ZNF713: variants seen among roughly 807,000 people sequenced by gnomAD.
The protein encoded by ZNF713 is zinc finger protein 713.
ZNF713 carries 21 observed loss-of-function variants against 28.7 expected under a neutral mutation model. That is an observed-to-expected ratio of 0.73 (90% CI 0.52 to 1.05). The LOEUF is 1.05. ZNF713 is among the 50% of genes least tolerant of loss of function. The probability of loss-of-function intolerance (pLI) is 0.00; values close to 1 mark genes in which losing one functional copy is unlikely to be tolerated. For missense variants in ZNF713, 458 were observed against 532.4 expected (o/e 0.86, Z 1.37); for synonymous variants, 167 against 178.0 (o/e 0.94, Z 0.49).
At chr7:55,903,785 G>A (rs138056247) in intron 1 of ZNF713, among the ~76,000 whole-genome samples, 1 of 152,200 alleles carries the variant, frequency 6.6e-6, no homozygotes, top group African/African-American at 2.4e-5. Context: ...TATCATGGGG[G>A]TGGATGGAGG....
intron 6 of ZNF713, among the ~76,000 whole-genome samples, chr7:55,935,730 G>A (rs1046211051): frequency 7.9e-5 from 12 of 152,128 alleles, no homozygotes; most frequent in African/African-American, 2.7e-4. Context: ...GAGGCAGGCG[G>A]ATCATGAGGT....
intron 1 of ZNF713, among the ~76,000 whole-genome samples, chr7:55,888,669 G>A (rs976558116): frequency 6.6e-6 from 1 of 151,904 alleles, no homozygotes. Context: ...CATGAGCCAC[G>A]GCGTTCGGCC....
chr7:55,938,151 C>T (rs1471203189), intron 6 of ZNF713, among the ~76,000 whole-genome samples: 1 of 151,924 alleles, frequency 6.6e-6, no homozygotes, highest in Non-Finnish European at 1.5e-5. Flanking sequence ...TTGCGGTGAG[C>T]CAAGATCACA....
At chr7:55,904,580 GCC>G (rs1344421824) in intron 1 of ZNF713, among the ~76,000 whole-genome samples, 2 of 149,896 alleles carry the variant, frequency 1.3e-5, no homozygotes, top group Non-Finnish European at 3.0e-5. Flanking sequence ...CAGAACAAAA[GCC>G]AGACTATAGA....
At chr7:55,912,796 C>A in intron 4 of ZNF713, 73 bp downstream of exon 4, 2 of 1,269,890 alleles carry the variant, frequency 1.6e-6, no homozygotes, top group South Asian at 1.3e-5. Flanking sequence ...TTTCATTTCT[C>A]AGAAGTGCTG....
chr7:55,929,609 G>A (rs369024934), intron 6 of ZNF713, among the ~76,000 whole-genome samples: 7 of 152,250 alleles, frequency 4.6e-5, no homozygotes, highest in African/African-American at 9.6e-5. Flanking sequence ...TCTGGAAGAG[G>A]CTGGGTGCAG....
rs1785873198 is a variant in ZNF713, at chr7:55,915,834, G to A, written c.87+3111G>A. Reference sequence around the variant, plus strand: ...CTGAGTGCAGTGGAAAGCCTTTGGGGGAATTTAAGCAGAAAGATAACATAA... The same window carrying A: ...CTGAGTGCAGTGGAAAGCCTTTGGGAGAATTTAAGCAGAAAGATAACATAA... On this transcript the variant is annotated intron_variant, in intron 4 of 6. Coordinates refer to ENST00000429591, the MANE Select transcript of ZNF713 (RefSeq NM_182633.3). 2.0e-5 allele frequency among the ~76,000 whole-genome samples: 3 copies of A among 152,092 alleles called. No homozygotes were observed. In the South Asian group the frequency reaches 6.2e-4, roughly 32 times the overall value.
intron 4 of ZNF713, among the ~76,000 whole-genome samples, chr7:55,913,844 GC>G (rs1176232522): frequency 3.0e-4 from 46 of 152,226 alleles, no homozygotes; most frequent in African/African-American, 1.1e-3. Flanking sequence ...GAGTGCAGGG[GC>G]TCATGCCTGT....
rs191677143 is a variant in ZNF713 at position 55,915,759 on chromosome 7, G to A, written c.87+3036G>A. Among the ~76,000 whole-genome samples, 175 of 152,294 alleles carry A rather than the reference G, an allele frequency of 1.1e-3. 2 individuals are homozygous for A. Among genetic ancestry groups the A allele is most frequent in the African/African-American group, 3.5e-3 (145 of 41,566 alleles). On this transcript the variant is annotated intron_variant, in intron 4 of 6. Coordinates refer to ENST00000429591, the MANE Select transcript of ZNF713 (RefSeq NM_182633.3). ...GAAGTGAGCTTGGAGAAGTGAGCAGGTCTTAAATACACAAAGCCTGTGGCC... is the reference window on the plus strand; with the variant it reads ...GAAGTGAGCTTGGAGAAGTGAGCAGATCTTAAATACACAAAGCCTGTGGCC...
chr7:55,887,868 CGGCGGCGGCGGCGGCGGCGGGCGG>C (rs1785300566), intron 1 of ZNF713, among the ~76,000 whole-genome samples, 188 bp downstream of exon 1: 1 of 7,608 alleles, frequency 1.3e-4, no homozygotes, highest in Non-Finnish European at 2.3e-4. Flanking sequence ...CGGCGGGCGG[CGGCGGCGGCGGCGGCGGCGGGCGG>C]CGGCGGCGGC....
intron 6 of ZNF713, among the ~76,000 whole-genome samples, chr7:55,934,851 G>GTGTAGTGTGCAAACCCTA (rs1283308910): frequency 1.3e-5 from 2 of 150,558 alleles, no homozygotes; most frequent in Non-Finnish European, 3.0e-5. Context: ...TTATCAAAAT[G>GTGTAGTGTGCAAACCCTA]TGTAGTGTGC....
rs75544391 is a variant in ZNF713 at position 55,934,431 on chromosome 7, A to C, written c.308-4551A>C. On this transcript the variant is annotated intron_variant, in intron 6 of 6. Transcript: ENST00000429591. Reference sequence around the variant, plus strand: ...GATGAGGTACCATTTTTCACCCATCAAATTGGCAAAATCAAAATGTTATCA... The same window carrying C: ...GATGAGGTACCATTTTTCACCCATCCAATTGGCAAAATCAAAATGTTATCA... Among the ~76,000 whole-genome samples, 730 of 152,292 alleles carry C rather than the reference A, an allele frequency of 4.8e-3. 3 individuals carry two copies. The highest frequency in any genetic ancestry group is 0.017 in the African/African-American group (699 of 41,570).
intron 4 of ZNF713, among the ~76,000 whole-genome samples, chr7:55,914,872 T>G (rs1353182984): frequency 6.6e-6 from 1 of 152,200 alleles, no homozygotes; most frequent in Non-Finnish European, 1.5e-5. Context: ...TTATTTTTTT[T>G]GAGACAGAGA....
chr7:55,911,572 G>A (rs1468623049), intron 2 of ZNF713, 44 bp from the exon 3 acceptor site: 1 of 152,182 alleles, frequency 6.6e-6, no homozygotes, highest in Non-Finnish European at 1.5e-5. Context: ...AGGTGGCTGA[G>A]ACTGCTGGAT....
rs567859921 is a variant in ZNF713, at chr7:55,930,787, T to G, written c.307+7088T>G. Reference sequence around the variant, plus strand: ...AAATAAAACAACCAAAAAACCATTGTCTGTGGATTCTTTCACCCTGCAACA... The same window carrying G: ...AAATAAAACAACCAAAAAACCATTGGCTGTGGATTCTTTCACCCTGCAACA... On this transcript the variant is annotated intron_variant, in intron 6 of 6. Coordinates refer to ENST00000429591, the MANE Select transcript of ZNF713 (RefSeq NM_182633.3). Among the ~76,000 whole-genome samples the G allele has an allele frequency of 3.9e-5, 6 of 151,944 alleles. No homozygotes were observed. The South Asian group carries it at 8.3e-4, about 21-fold the overall frequency.
chr7:55,940,422 C>A lies in ZNF713; in HGVS notation c.*416C>A. ...TACAGGCGTGGGCCACTGCGCCTGG[C>A]CATAAACTTTCAATGCGTAGAAACC... On this transcript the variant is annotated 3_prime_UTR_variant, in exon 7 of 7. Transcript: ENST00000429591. 4 of 989,000 alleles carry A rather than the reference C, an allele frequency of 4.0e-6. No homozygotes were observed. In the South Asian group the frequency reaches 1.4e-4, roughly 35 times the overall value. 61.3% of individuals were successfully genotyped at this position (989,000 alleles called of 1,614,324 possible).
chr7:55,907,519 G>T lies in ZNF713; in HGVS notation c.-456+1140G>T, dbSNP rs536938183. Among the ~76,000 whole-genome samples, 2 of 152,134 alleles carry T rather than the reference G, an allele frequency of 1.3e-5. 1 individual carries two copies. Among genetic ancestry groups the T allele is most frequent in the South Asian group, 4.1e-4 (2 of 4,830 alleles). ...CAGGTTTGTTACATAGACATGTTGC[G>T]TAGCAATGTGGTCTGGGTTTCTGAT... On this transcript the variant is annotated intron_variant, in intron 2 of 6. Coordinates refer to ENST00000429591, the MANE Select transcript of ZNF713 (RefSeq NM_182633.3).
In ZNF713 at chr7:55,923,198, A is replaced by C; in HGVS notation, c.124A>C (p.Thr42Pro). The change falls in exon 5 of 7, where the codon ACC (threonine) becomes CCC (proline). Residue 42 changes from threonine (T) to proline (P), a missense_variant. Physicochemically the swap from Thr to Pro is conservative, Grantham distance 38. Transcript: ENST00000429591. ...GTTTCAGGATGTGGCCGTGGACTTC[A>C]CCAGAGAGGAGTGGGACCAGCTGTA... is the stretch of plus-strand genomic sequence containing the variant. ...LTFQDVAVDFTREEWDQLYPA... is the reference protein window; with the variant it reads ...LTFQDVAVDFPREEWDQLYPA... 6.2e-7 allele frequency: 1 copy of C among 1,613,564 alleles called. No homozygotes were observed. Among genetic ancestry groups the C allele is most frequent in the Non-Finnish European group, 8.5e-7 (1 of 1,179,800 alleles).
intron 5 of ZNF713, 137 bp downstream of exon 5, chr7:55,923,425 C>A: frequency 8.0e-7 from 1 of 1,245,654 alleles, no homozygotes. Context: ...AGTCAAAGAC[C>A]TTTGTTTTCT....
Sources: gnomAD v4.1 joint callset for allele counts (sites outside exome capture counted in the v4.1 genomes callset) on GRCh38, gnomAD v4.1.1 for gene constraint, MANE v1.5 for transcripts, NCBI Gene and HGNC (gene_info 2026-07-23, HGNC 2026-07-21) for gene names.